HERC4: variants seen among roughly 807,000 people sequenced by gnomAD.
HERC4 encodes HECT and RLD domain containing E3 ubiquitin protein ligase 4.
A neutral mutation model predicts 124.3 loss-of-function variants in HERC4; 28 were observed. The ratio of observed to expected loss-of-function variants is 0.23; its 90% CI spans 0.17 to 0.31. HERC4 has a LOEUF of 0.31. Among genes scored for constraint, HERC4 ranks in the 10% least tolerant of loss-of-function variants. HERC4 has a pLI of 1.00. For synonymous variants in HERC4, 407 were observed against 421.5 expected (o/e 0.97, Z 0.42); for missense variants, 713 against 1,229.3 (o/e 0.58, Z 6.28).
At chr10:67,941,946 G>T (rs549802769) in intron 19 of HERC4, among the ~76,000 whole-genome samples, 1 of 151,968 alleles carries the variant, frequency 6.6e-6, no homozygotes, top group Non-Finnish European at 1.5e-5. Flanking sequence ...GTGAGCCACC[G>T]TGCCTGGCCA....
chr10:68,038,327 A>G (rs1189039225), intron 4 of HERC4, 158 bp from the exon 5 acceptor site: 3 of 454,822 alleles, frequency 6.6e-6, no homozygotes, highest in Admixed American at 4.4e-5. Context: ...AATTTATGCT[A>G]AAATCAGTAA....
intron 9 of HERC4, among the ~76,000 whole-genome samples, chr10:68,001,827 T>C (rs1344956925): frequency 6.6e-6 from 1 of 152,198 alleles, no homozygotes; most frequent in Non-Finnish European, 1.5e-5. Flanking sequence ...TCCTTTTGTG[T>C]CTTTCACCCC....
In HERC4 at chr10:67,955,095, G is replaced by A. The variant is rs372744152; in HGVS notation, c.2061C>T (p.Ser687=). 45 of 1,590,528 alleles carry A rather than the reference G, an allele frequency of 2.8e-5. No homozygotes were observed. The highest frequency in any genetic ancestry group is 3.8e-5 in the Non-Finnish European group (44 of 1,171,084). Residue 687 remains serine (S), a synonymous_variant, in exon 18 of 25, where the codon TCC becomes TCT. Transcript: ENST00000373700. The part of the protein sequence containing the change: ...AIDQAHRQNV[S]SLFLPVIESV... ...ATTCAATCACTGGGAGAAAAAGAGA[G>A]GAGACATTCTGCCTGTGGGCCTGAT...
Position 68,014,177 on chromosome 10 carries a change from A to G in HERC4, c.918T>C (p.Thr306=). 6.2e-7 allele frequency: 1 copy of G among 1,609,748 alleles called. No individual in the cohort carries two copies. The highest frequency in any genetic ancestry group is 8.5e-7 in the Non-Finnish European group (1 of 1,178,216). The change falls in exon 9 of 25, where the codon ACT becomes ACC. Residue 306 remains threonine, a synonymous_variant. Transcript: ENST00000373700. ...GTCCTGATGAAGGAACAAAAGCAGAAGTGTGCTGCCTAGAGTAAAATGATA... is the reference window on the plus strand; with the variant it reads ...GTCCTGATGAAGGAACAAAAGCAGAGGTGTGCTGCCTAGAGTAAAATGATA... ...VTEIACGRQH[T]SAFVPSSGRI...
chr10:68,043,765 G>A (rs967663233), intron 4 of HERC4, among the ~76,000 whole-genome samples: 1 of 151,582 alleles, frequency 6.6e-6, no homozygotes, highest in Non-Finnish European at 1.5e-5. Context: ...GCAGTGAGCC[G>A]AGATCACACC....
At chr10:67,968,188 TAAAAAAATCAAAG>T (rs2035005715) in intron 15 of HERC4, among the ~76,000 whole-genome samples, 1 of 151,928 alleles carries the variant, frequency 6.6e-6, no homozygotes, top group African/African-American at 2.4e-5. Context: ...CAGTGAGGAA[TAAAAAAATCAAAG>T]AAAGGAATCC....
In HERC4 at chr10:67,949,753, G is replaced by A. The variant is rs138558717; in HGVS notation, c.2337+4842C>T. On this transcript the variant is annotated intron_variant, in intron 19 of 24. Transcript: ENST00000373700. ...GTAAAAAAGCATCACATAGCTGGGC[G>A]CGGTGGCTCACGCCAGCACTTTGAG... 2.0e-4 allele frequency among the ~76,000 whole-genome samples: 31 copies of A among 152,280 alleles called. 1 individual carries two copies. In the East Asian group the frequency reaches 3.7e-3, roughly 18 times the overall value.
intron 16 of HERC4, among the ~76,000 whole-genome samples, chr10:67,959,607 AT>A (rs2132355468): frequency 6.6e-6 from 1 of 152,330 alleles, no homozygotes; most frequent in Admixed American, 6.5e-5. Flanking sequence ...GTAAGAAAAA[AT>A]AAGCCATAAA....
chr10:68,061,159 A>G (rs1053621252), intron 3 of HERC4, among the ~76,000 whole-genome samples: 2 of 152,140 alleles, frequency 1.3e-5, no homozygotes, highest in Non-Finnish European at 2.9e-5. Context: ...AAATTACTTC[A>G]GCTACTAGTG....
chr10:67,993,849 C>T (rs2036697440), intron 9 of HERC4: 1 of 152,166 alleles, frequency 6.6e-6, no homozygotes, highest in Non-Finnish European at 1.5e-5. Context: ...AGTCCATAGT[C>T]TATCCCTGTT....
intron 1 of HERC4, 88 bp from the exon 2 acceptor site, chr10:68,073,774 G>T (rs2041678684): frequency 6.6e-6 from 1 of 152,092 alleles, no homozygotes; most frequent in Admixed American, 6.6e-5. Flanking sequence ...AGCCCAGAGA[G>T]AAAATGAAGA....
chr10:67,974,073 T>TACACACAC (rs57454971), intron 15 of HERC4, among the ~76,000 whole-genome samples: 5 of 96,052 alleles, frequency 5.2e-5, no homozygotes, highest in African/African-American at 2.1e-4. Flanking sequence ...AAAATTACTG[T>TACACACAC]ACACACACAC....
At chr10:68,001,723 C>A (rs902387923) in intron 9 of HERC4, among the ~76,000 whole-genome samples, 4 of 152,062 alleles carry the variant, frequency 2.6e-5, no homozygotes, top group Admixed American at 1.3e-4. Context: ...ACTCTCCGTA[C>A]CCTCCTCCCT....
chr10:67,954,780 A>G, intron 18 of HERC4, 42 bp from the exon 19 acceptor site: 1 of 1,580,132 alleles, frequency 6.3e-7, no homozygotes, highest in Non-Finnish European at 8.6e-7. Flanking sequence ...CTGTAAAGAA[A>G]TGAAAGTACA....
At chr10:67,924,642 A>G (rs955066707) in intron 24 of HERC4, among the ~76,000 whole-genome samples, 3 of 152,234 alleles carry the variant, frequency 2.0e-5, no homozygotes, top group African/African-American at 7.2e-5. Context: ...TTAAAGTATA[A>G]GGATATGTGT....
At chr10:67,959,006 T>A (rs963127149) in intron 16 of HERC4, 9 of 752,158 alleles carry the variant, frequency 1.2e-5, no homozygotes, top group African/African-American at 9.0e-5. Context: ...TCTATTTATT[T>A]ACATTTTTTA....
intron 9 of HERC4, among the ~76,000 whole-genome samples, chr10:68,005,266 A>G (rs952376331): frequency 1.3e-5 from 2 of 152,184 alleles, no homozygotes; most frequent in African/African-American, 4.8e-5. Context: ...CTCTTGTTGT[A>G]CTAATCCTTT....
At chr10:67,972,111 G>T (rs1344155005) in intron 15 of HERC4, among the ~76,000 whole-genome samples, 1 of 151,716 alleles carries the variant, frequency 6.6e-6, no homozygotes, top group African/African-American at 2.4e-5. Flanking sequence ...CTACTTGGGA[G>T]GCTGAGGCAG....
chr10:68,019,537 C>A (rs1443766978), intron 8 of HERC4, among the ~76,000 whole-genome samples: 3 of 151,938 alleles, frequency 2.0e-5, no homozygotes, highest in African/African-American at 7.3e-5. Flanking sequence ...CTTGGAAAAT[C>A]GTGGAATAAG....
Sources: gnomAD v4.1 joint callset for allele counts (sites outside exome capture counted in the v4.1 genomes callset) on GRCh38, gnomAD v4.1.1 for gene constraint, MANE v1.5 for transcripts, NCBI Gene and HGNC (gene_info 2026-07-23, HGNC 2026-07-21) for gene names.